The following KDM1A variants were observed in gnomAD, a reference collection of about 807,000 sequenced individuals.
KDM1A encodes the protein lysine-specific histone demethylase 1A.
In KDM1A, 49 loss-of-function variants were observed where a neutral mutation model predicts 109.4. The ratio of observed to expected loss-of-function variants is 0.45; its 90% confidence interval spans 0.36 to 0.57. KDM1A has a LOEUF of 0.57. Among genes scored for constraint, KDM1A ranks in the 20% least tolerant of loss-of-function variants. KDM1A has a pLI of 0.00. For missense variants in KDM1A, 668 were observed against 1,116.6 expected (o/e 0.60, Z 5.73); for synonymous variants, 380 against 415.4 (o/e 0.91, Z 1.04).
chr1:23,076,581 A>C (rs1259596012), intron 15 of KDM1A, among the ~76,000 whole-genome samples: 3 of 150,194 alleles, frequency 2.0e-5, no homozygotes, highest in South Asian at 2.1e-4. Context: ...ATGTTTAATC[A>C]TCTGAATTTC....
At position 23,055,077 on chromosome 1, in the gene KDM1A, G is replaced by T. The variant is rs1569741366; in HGVS notation, c.799G>T (p.Val267Leu). ...QLEAPYNSDT[V>L]LVHRVHSYLE... Reference sequence around the variant, plus strand: ...ATCCACTTATTCTGTAGGTGATACTGTGCTTGTCCACCGAGTTCACAGTTA... The same window carrying T: ...ATCCACTTATTCTGTAGGTGATACTTTGCTTGTCCACCGAGTTCACAGTTA... Residue 267 changes from valine (V) to leucine (L), a missense_variant, in exon 6 of 21, where the codon GTG becomes TTG. Physicochemically the swap from Val to Leu is conservative, Grantham distance 32. Transcript: ENST00000400181. 1 of 1,606,528 alleles carries T rather than the reference G, an allele frequency of 6.2e-7. No individual in the cohort carries two copies. Among genetic ancestry groups the T allele is most frequent in the East Asian group, 2.2e-5 (1 of 44,536 alleles).
intron 2 of KDM1A, among the ~76,000 whole-genome samples, chr1:23,042,440 A>ATTTTTT (rs769149894): frequency 7.4e-4 from 16 of 21,554 alleles, no homozygotes; most frequent in South Asian, 1.3e-3. Context: ...GAAATATATT[A>ATTTTTT]TTTTTTTTTT....
intron 9 of KDM1A, among the ~76,000 whole-genome samples, chr1:23,063,235 T>TGGG (rs1643067296): frequency 9.2e-6 from 1 of 108,646 alleles, no homozygotes. Flanking sequence ...TGTGTGGGTG[T>TGGG]GTGTGTGTGT....
At chr1:23,041,078 T>G (rs1642316897) in intron 2 of KDM1A, among the ~76,000 whole-genome samples, 1 of 152,154 alleles carries the variant, frequency 6.6e-6, no homozygotes, top group African/African-American at 2.4e-5. Flanking sequence ...TTTATATATA[T>G]CATAATCAGA....
intron 2 of KDM1A, among the ~76,000 whole-genome samples, chr1:23,040,517 C>T (rs1642277816): frequency 6.6e-6 from 1 of 152,034 alleles, no homozygotes; most frequent in Admixed American, 6.5e-5. Context: ...CTACTTTAGG[C>T]CGATTGTGGT....
At chr1:23,074,927 C>G (rs2124528081) in intron 15 of KDM1A, among the ~76,000 whole-genome samples, 1 of 152,240 alleles carries the variant, frequency 6.6e-6, no homozygotes, top group East Asian at 1.9e-4. Flanking sequence ...CTTGTAAGTT[C>G]TCCAACTTTG....
chr1:23,076,137 G>A (rs866397477), intron 15 of KDM1A, among the ~76,000 whole-genome samples: 4 of 152,056 alleles, frequency 2.6e-5, no homozygotes, highest in Non-Finnish European at 4.4e-5. Flanking sequence ...GTGTCTATTT[G>A]TAATAGTATT....
chr1:23,060,309 G>A (rs1642962956), intron 9 of KDM1A, among the ~76,000 whole-genome samples: 2 of 152,138 alleles, frequency 1.3e-5, no homozygotes, highest in Non-Finnish European at 2.9e-5. Context: ...TTTTTATTAT[G>A]GAAATTTAAA....
At chr1:23,030,349 G>A (rs1021163055) in intron 1 of KDM1A, 120 bp from the exon 2 acceptor site, 7 of 684,824 alleles carry the variant, frequency 1.0e-5, no homozygotes, top group Non-Finnish European at 1.6e-5. Flanking sequence ...GTTCCTTGTT[G>A]TATGCTTACT....
intron 2 of KDM1A, among the ~76,000 whole-genome samples, chr1:23,032,882 G>C (rs1430123645): frequency 1.3e-5 from 2 of 152,192 alleles, no homozygotes; most frequent in Non-Finnish European, 2.9e-5. Flanking sequence ...AAAAGCTTGA[G>C]AGAAGATATA....
At chr1:23,063,762 A>G (rs576217332) in intron 9 of KDM1A, among the ~76,000 whole-genome samples, 20 of 152,252 alleles carry the variant, frequency 1.3e-4, no homozygotes, top group Non-Finnish European at 2.1e-4. Context: ...AAAAACTGCT[A>G]GAGAGAACTA....
chr1:23,026,150 G>A (rs981695981), intron 1 of KDM1A, among the ~76,000 whole-genome samples: 8 of 152,048 alleles, frequency 5.3e-5, no homozygotes, highest in African/African-American at 1.9e-4. Flanking sequence ...GAGTGTATAT[G>A]CTGGTTTGAA....
intron 3 of KDM1A, among the ~76,000 whole-genome samples, chr1:23,047,598 G>A (rs1642538182): frequency 6.6e-6 from 1 of 152,112 alleles, no homozygotes; most frequent in Non-Finnish European, 1.5e-5. Flanking sequence ...ACATTAGAGT[G>A]ATTTTTGATA....
intron 8 of KDM1A, among the ~76,000 whole-genome samples, chr1:23,058,547 T>G (rs1226062380): frequency 6.6e-6 from 1 of 152,168 alleles, no homozygotes; most frequent in Non-Finnish European, 1.5e-5. Flanking sequence ...AGGGTCTTGC[T>G]CTGTTGCCCA....
At chr1:23,077,411 T>C (rs1643498067) in intron 16 of KDM1A, 51 bp downstream of exon 16, 1 of 1,568,966 alleles carries the variant, frequency 6.4e-7, no homozygotes. Context: ...GAAACAGGAC[T>C]GATCTTTTGT....
chr1:23,070,204 G>T (rs1001609853), intron 12 of KDM1A, among the ~76,000 whole-genome samples: 3 of 152,230 alleles, frequency 2.0e-5, no homozygotes, highest in Non-Finnish European at 4.4e-5. Flanking sequence ...AGGCACAGTG[G>T]CTTATGCCTA....
At chr1:23,035,743 C>T (rs1010220271) in intron 2 of KDM1A, among the ~76,000 whole-genome samples, 2 of 151,994 alleles carry the variant, frequency 1.3e-5, no homozygotes, top group Admixed American at 6.6e-5. Flanking sequence ...ATCACAAATG[C>T]TGTTATAATG....
rs758232431 is a variant in KDM1A, at chr1:23,019,886, T to C, written c.290T>C (p.Met97Thr). 1 of 1,565,060 alleles carries C rather than the reference T, an allele frequency of 6.4e-7. No homozygotes were observed. The highest frequency in any genetic ancestry group is 8.6e-7 in the Non-Finnish European group (1 of 1,158,476). Residue 97 changes from methionine (M) to threonine (T), a missense_variant, in exon 1 of 21, where the codon ATG becomes ACG. Met to Thr is a moderately conservative substitution (Grantham distance 81). Transcript: ENST00000400181. ...GTCGTGCCTGGGTCTGCGACCCCCA[T>C]GGAAACTGGAATAGCAGAGACTCCG... ...PTVVPGSATP[M>T]ETGIAETPEG...
chr1:23,024,342 A>G (rs1265121515), intron 1 of KDM1A, among the ~76,000 whole-genome samples: 1 of 152,222 alleles, frequency 6.6e-6, no homozygotes, highest in African/African-American at 2.4e-5. Context: ...TTTAGAGGAT[A>G]GAGTATCCAT....
Sources: allele counts gnomAD v4.1 joint callset (sites outside exome capture counted in the v4.1 genomes callset), GRCh38; gene constraint gnomAD v4.1.1; transcripts MANE v1.5; gene names NCBI Gene and HGNC (gene_info 2026-07-23, HGNC 2026-07-21).